The following PPARGC1A variants were observed in gnomAD, a reference collection of about 807,000 sequenced individuals.
PPARGC1A encodes the protein peroxisome proliferator-activated receptor gamma coactivator 1-alpha.
Under a neutral mutation model 88.7 loss-of-function variants are expected in PPARGC1A, and 25 were observed. The observed-to-expected ratio is 0.28, with a 90% CI of 0.21 to 0.39. PPARGC1A has a LOEUF of 0.39. PPARGC1A is among the 10% of genes least tolerant of loss of function. The probability of loss-of-function intolerance (pLI) is 1.00; values close to 1 mark genes in which losing one functional copy is unlikely to be tolerated. For synonymous variants in PPARGC1A, 363 were observed against 355.6 expected (o/e 1.02, Z -0.24); for missense variants, 880 against 968.7 (o/e 0.91, Z 1.22).
intron 2 of PPARGC1A, chr4:23,881,687 T>A (rs992341444): frequency 6.6e-6 from 1 of 152,168 alleles, no homozygotes; most frequent in Non-Finnish European, 1.5e-5. Context: ...ATTTAACTAC[T>A]CAGTGCCTGA....
the PPARGC1A span, among the ~76,000 whole-genome samples, chr4:24,056,452 C>A: frequency 1.3e-5 from 2 of 152,296 alleles, no homozygotes; most frequent in South Asian, 2.1e-4. Flanking sequence ...TCTTTGTGCT[C>A]ATATTCAATG....
the PPARGC1A span, among the ~76,000 whole-genome samples, chr4:24,311,843 T>A: frequency 6.6e-6 from 1 of 152,052 alleles, no homozygotes; most frequent in African/African-American, 2.4e-5. Context: ...TGATTAGAAA[T>A]GTTAGATAAA....
At chr4:24,016,329 C>T in the PPARGC1A span, among the ~76,000 whole-genome samples, 1 of 152,114 alleles carries the variant, frequency 6.6e-6, no homozygotes, top group African/African-American at 2.4e-5. Flanking sequence ...AGCACTTTTT[C>T]ACTTAAATAT....
At chr4:23,802,197 AC>A (rs1395903190) in intron 11 of PPARGC1A, 26 bp downstream of exon 11, 1 of 1,613,884 alleles carries the variant, frequency 6.2e-7, no homozygotes, top group Non-Finnish European at 8.5e-7. Flanking sequence ...CAGCTTCTAA[AC>A]AAGAAATAAT....
the PPARGC1A span, among the ~76,000 whole-genome samples, chr4:24,039,684 AC>A: frequency 6.6e-6 from 1 of 152,138 alleles, no homozygotes; most frequent in Non-Finnish European, 1.5e-5. Flanking sequence ...TCTTTCTATA[AC>A]CTCATTTCTT....
At chr4:24,073,397 A>C in the PPARGC1A span, among the ~76,000 whole-genome samples, 1 of 152,146 alleles carries the variant, frequency 6.6e-6, no homozygotes, top group Non-Finnish European at 1.5e-5. Context: ...TTTTTAAACT[A>C]CCTTCTTGAA....
the PPARGC1A span, among the ~76,000 whole-genome samples, chr4:24,073,883 A>T: frequency 9.2e-5 from 14 of 152,054 alleles, no homozygotes; most frequent in Non-Finnish European, 1.9e-4. Flanking sequence ...GTGAAATGTG[A>T]GCATGTGGTG....
the PPARGC1A span, among the ~76,000 whole-genome samples, chr4:24,259,862 A>T: frequency 6.6e-6 from 1 of 152,140 alleles, no homozygotes; most frequent in Admixed American, 6.5e-5. Flanking sequence ...CAAAGGAAAA[A>T]ATTAAAACTC....
the PPARGC1A span, among the ~76,000 whole-genome samples, chr4:24,182,420 C>A: frequency 6.6e-6 from 1 of 152,160 alleles, no homozygotes; most frequent in Non-Finnish European, 1.5e-5. Flanking sequence ...AGGTTGGCTA[C>A]AAGTCTTTGC....
the PPARGC1A span, among the ~76,000 whole-genome samples, chr4:24,452,665 C>T: frequency 6.6e-6 from 1 of 152,144 alleles, no homozygotes. Flanking sequence ...TTTTTTCATA[C>T]TCTATTCAAT....
At chr4:24,192,808 T>C in the PPARGC1A span, among the ~76,000 whole-genome samples, 1 of 152,200 alleles carries the variant, frequency 6.6e-6, no homozygotes, top group Non-Finnish European at 1.5e-5. Flanking sequence ...ATGAAATAAT[T>C]ATAGCTACAC....
the PPARGC1A span, among the ~76,000 whole-genome samples, chr4:24,234,574 G>T: frequency 1.3e-5 from 2 of 152,138 alleles, no homozygotes; most frequent in Non-Finnish European, 2.9e-5. Flanking sequence ...TCTCTGGAAG[G>T]CATCTACTAC....
the PPARGC1A span, among the ~76,000 whole-genome samples, chr4:24,243,730 C>A: frequency 2.0e-5 from 3 of 152,152 alleles, no homozygotes; most frequent in Admixed American, 2.0e-4. Context: ...GATGGCTACT[C>A]CTTCCTCCTT....
the PPARGC1A span, among the ~76,000 whole-genome samples, chr4:23,913,705 G>A: frequency 1.8e-4 from 27 of 152,128 alleles, no homozygotes; most frequent in Admixed American, 6.5e-4. Flanking sequence ...GTAAACATGC[G>A]TTGAACAAAT....
chr4:24,246,967 G>A, the PPARGC1A span, among the ~76,000 whole-genome samples: 2 of 146,990 alleles, frequency 1.4e-5, no homozygotes, highest in South Asian at 4.3e-4. Flanking sequence ...CTAGAGCCAC[G>A]CCAAACCAAT....
At chr4:23,990,690 G>A in the PPARGC1A span, among the ~76,000 whole-genome samples, 4 of 27,970 alleles carry the variant, frequency 1.4e-4, no homozygotes, top group Admixed American at 1.3e-3. Flanking sequence ...CCATCCTGAC[G>A]TGGGGTTTCT....
At chr4:23,919,674 A>T in the PPARGC1A span, among the ~76,000 whole-genome samples, 1 of 152,234 alleles carries the variant, frequency 6.6e-6, no homozygotes, top group African/African-American at 2.4e-5. Flanking sequence ...CCTTAAAAAA[A>T]GTCCATCCTC....
chr4:23,889,037 G>A (rs1293805506), intron 1 of PPARGC1A: 4 of 985,186 alleles, frequency 4.1e-6, no homozygotes, highest in African/African-American at 1.7e-5. Context: ...GAGGTCCTCC[G>A]TCCCCCCACT....
chr4:24,056,772 G>T, the PPARGC1A span, among the ~76,000 whole-genome samples: 1 of 152,150 alleles, frequency 6.6e-6, no homozygotes, highest in Non-Finnish European at 1.5e-5. Context: ...CATTAGGACG[G>T]CAACTATGAA....
Sources: allele counts gnomAD v4.1 joint callset (sites outside exome capture counted in the v4.1 genomes callset), GRCh38; gene constraint gnomAD v4.1.1; transcripts MANE v1.5; gene names NCBI Gene and HGNC (gene_info 2026-07-23, HGNC 2026-07-21).